The following SOX5 variants were observed in gnomAD, a reference collection of about 807,000 sequenced individuals.
SOX5 encodes transcription factor SOX-5.
In SOX5, 9 loss-of-function variants were observed where a neutral mutation model predicts 92.0. The observed-to-expected ratio is 0.10, with a 90% confidence interval of 0.06 to 0.17. The LOEUF is 0.17. Ranked by LOEUF, SOX5 falls within the 10% of genes least tolerant of loss-of-function variation. The pLI is 1.00. For missense variants in SOX5, 642 were observed against 944.5 expected (o/e 0.68, Z 4.20); for synonymous variants, 344 against 336.3 (o/e 1.02, Z -0.25).
At chr12:24,294,813 TG>T (rs1402969667) in intron 2 of SOX5, among the ~76,000 whole-genome samples, 20 of 152,246 alleles carry the variant, frequency 1.3e-4, no homozygotes, top group African/African-American at 4.3e-4. Flanking sequence ...AAGCCGACAG[TG>T]GCCAAGTTAG....
chr12:23,814,634 T>C, intron 3 of SOX5, among the ~76,000 whole-genome samples: 1 of 152,236 alleles, frequency 6.6e-6, no homozygotes. Flanking sequence ...TTGTTTCTGC[T>C]ATTTGTCAAC....
At chr12:24,061,293 G>C (rs1939648435) in intron 4 of SOX5, among the ~76,000 whole-genome samples, 1 of 152,228 alleles carries the variant, frequency 6.6e-6, no homozygotes, top group East Asian at 1.9e-4. Flanking sequence ...TAAGTATTAA[G>C]GGACACCAAA....
intron 3 of SOX5, among the ~76,000 whole-genome samples, chr12:23,773,294 T>C (rs2094993118): frequency 2.6e-5 from 4 of 152,184 alleles, no homozygotes; most frequent in African/African-American, 9.7e-5. Context: ...GTTGGCAAAA[T>C]ACAATCTATT....
chr12:24,506,782 G>GTTTTTTTTTTTTTTTTTTTTTTTTTT (rs1386116375), intron 1 of SOX5, among the ~76,000 whole-genome samples: 1 of 80,274 alleles, frequency 1.2e-5, no homozygotes, highest in Non-Finnish European at 2.4e-5. Flanking sequence ...TATCCAAATG[G>GTTTTTTTTTTTTTTTTTTTTTTTTTT]TCTTTTTTTT....
At chr12:24,435,163 C>A (rs1269827955) in intron 1 of SOX5, among the ~76,000 whole-genome samples, 1 of 152,188 alleles carries the variant, frequency 6.6e-6, no homozygotes, top group Non-Finnish European at 1.5e-5. Context: ...AAAAAGTATA[C>A]AGAGTTTTCT....
chr12:24,222,828 T>TGTTTGAAA (rs1960819205), intron 3 of SOX5, among the ~76,000 whole-genome samples: 1 of 152,186 alleles, frequency 6.6e-6, no homozygotes, highest in Admixed American at 6.5e-5. Context: ...ATTGTGGGAT[T>TGTTTGAAA]TCAAACAATA....
chr12:23,729,795 C>G (rs1420485917), intron 6 of SOX5, among the ~76,000 whole-genome samples: 3 of 152,124 alleles, frequency 2.0e-5, no homozygotes, highest in Admixed American at 6.5e-5. Flanking sequence ...TAAAAAGTAT[C>G]TTAAGTAGAT....
chr12:24,223,518 C>T (rs1961039656), intron 3 of SOX5, among the ~76,000 whole-genome samples: 1 of 152,128 alleles, frequency 6.6e-6, no homozygotes, highest in African/African-American at 2.4e-5. Context: ...CTTTGTGAGT[C>T]CAAGGCAGGA....
chr12:24,317,812 T>G (rs1949840437), intron 2 of SOX5, among the ~76,000 whole-genome samples: 1 of 152,206 alleles, frequency 6.6e-6, no homozygotes, highest in South Asian at 2.1e-4. Context: ...TTGTTAACAC[T>G]CTCAATGCTT....
chr12:23,582,980 G>A (rs1260140562), intron 9 of SOX5, among the ~76,000 whole-genome samples: 1 of 151,806 alleles, frequency 6.6e-6, no homozygotes, highest in East Asian at 1.9e-4. Context: ...CTTGTTTTCC[G>A]ACTTTGTTGA....
chr12:24,363,111 T>C (rs1196321697), intron 2 of SOX5, among the ~76,000 whole-genome samples: 1 of 152,172 alleles, frequency 6.6e-6, no homozygotes, highest in Non-Finnish European at 1.5e-5. Flanking sequence ...CTTACTGTTA[T>C]TTAAATAATG....
chr12:23,957,192 A>G (rs1946381110), intron 4 of SOX5, among the ~76,000 whole-genome samples: 1 of 152,292 alleles, frequency 6.6e-6, no homozygotes, highest in South Asian at 2.1e-4. Context: ...ATACAGCAAT[A>G]TAAGACAGTG....
upstream of SOX5, among the ~76,000 whole-genome samples, chr12:23,954,664 C>A (rs1043264304): frequency 2.6e-5 from 4 of 151,868 alleles, no homozygotes; most frequent in Non-Finnish European, 4.4e-5. Context: ...ATTCAGTCCA[C>A]CATAATACAT....
At chr12:23,704,359 C>T (rs779466482) in intron 6 of SOX5, among the ~76,000 whole-genome samples, 11 of 151,618 alleles carry the variant, frequency 7.3e-5, no homozygotes, top group Middle Eastern at 3.2e-3. Flanking sequence ...TTATAAAGTG[C>T]AAAATATGCA....
chr12:24,016,405 G>C (rs1327128222), intron 4 of SOX5, among the ~76,000 whole-genome samples: 2 of 152,106 alleles, frequency 1.3e-5, no homozygotes, highest in African/African-American at 4.8e-5. Context: ...ACATACTTGA[G>C]AACTAATGGT....
chr12:23,733,247 A>G (rs565800915), intron 6 of SOX5, among the ~76,000 whole-genome samples: 2 of 152,336 alleles, frequency 1.3e-5, no homozygotes, highest in Admixed American at 1.3e-4. Context: ...TGACTACCAC[A>G]TTGCTGATTA....
intron 3 of SOX5, among the ~76,000 whole-genome samples, chr12:24,244,670 G>C (rs1938256670): frequency 6.6e-6 from 1 of 152,168 alleles, no homozygotes; most frequent in Non-Finnish European, 1.5e-5. Flanking sequence ...GCCTGGGGCA[G>C]TGTAAGAGAT....
In SOX5 at chr12:23,895,900, G is replaced by T. The variant is rs1339763096; in HGVS notation, c.163C>A (p.His55Asn). Residue 55 changes from histidine (H) to asparagine (N), a missense_variant, in exon 2 of 15, where the codon CAT (histidine) becomes AAT (asparagine). This residue lies in a region of SOX5 where 113 missense variants were observed against 117.7 expected (regional missense o/e 0.96). Coordinates refer to ENST00000451604, the MANE Select transcript of SOX5 (RefSeq NM_006940.6). The part of the protein sequence containing the change: ...DGLPAFHLPL[H>N]VSFPNKPHSE... Reference sequence around the variant, plus strand: ...TGAGGCTTGTTGGGAAAACTCACATGCAAGGGAAGGTGAAAGGCTGGGAGC... The same window carrying T: ...TGAGGCTTGTTGGGAAAACTCACATTCAAGGGAAGGTGAAAGGCTGGGAGC... 1.2e-5 allele frequency: 20 copies of T among 1,613,896 alleles called. No homozygotes were observed. The highest frequency in any genetic ancestry group is 1.7e-5 in the Non-Finnish European group (20 of 1,179,904).
chr12:24,373,154 A>G (rs780320779), intron 1 of SOX5, among the ~76,000 whole-genome samples: 3 of 152,016 alleles, frequency 2.0e-5, no homozygotes, highest in East Asian at 1.9e-4. Context: ...GAAAACAACC[A>G]TATGTTCAGT....
Sources: allele counts gnomAD v4.1 joint callset (sites outside exome capture counted in the v4.1 genomes callset), GRCh38; gene constraint gnomAD v4.1.1; regional missense constraint gnomAD v4.1.1; transcripts MANE v1.5; gene names NCBI Gene and HGNC (gene_info 2026-07-23, HGNC 2026-07-21).